KCP: variants seen among roughly 807,000 people sequenced by gnomAD.
KCP encodes the protein kielin cysteine rich BMP regulator, also known as kielin/chordin-like protein.
In KCP, 194 loss-of-function variants were observed where a neutral mutation model predicts 212.7. The observed-to-expected ratio is 0.91, with a 90% confidence interval of 0.81 to 1.03. The LOEUF is 1.03. KCP is among the 50% of genes least tolerant of loss of function. KCP has a pLI of 0.00. For missense variants in KCP, 2,080 were observed against 2,162.5 expected (o/e 0.96, Z 0.76); for synonymous variants, 833 against 865.3 (o/e 0.96, Z 0.65).
rs11449361 is a variant in KCP, at chr7:128,908,201, GAAAA to G, written c.219+221_219+224del. On this transcript the variant is annotated intron_variant, in intron 2 of 39. Coordinates refer to ENST00000610776, the MANE Select transcript of KCP (RefSeq NM_001366122.1). ...GAAGGAAGGAAGGAAGGAAAAGAAA[GAAAA>G]AAAAAGAAAGGAAGGAGGGAAGGAA... Among the ~76,000 whole-genome samples the G allele has an allele frequency of 1.0e-4, 11 of 104,872 alleles. 1 individual carries two copies. The highest frequency in any genetic ancestry group is 1.5e-4 in the African/African-American group (4 of 27,340). The allele number at this position is 104,872 out of a possible 152,430, so 68.8% of individuals were successfully genotyped here.
intron 20 of KCP, 63 bp downstream of exon 20, chr7:128,890,842 G>A (rs1428874066): frequency 8.5e-7 from 1 of 1,181,746 alleles, no homozygotes; most frequent in African/African-American, 1.6e-5. Flanking sequence ...TGGGCAGGGC[G>A]CTCCGGGGCG....
chr7:128,883,720 C>G (rs901171733), intron 29 of KCP, among the ~76,000 whole-genome samples: 11 of 152,236 alleles, frequency 7.2e-5, no homozygotes, highest in Middle Eastern at 3.2e-3. Context: ...TGGGCTACCC[C>G]CTGCCTGCCT....
rs536804981 is a variant in KCP, at chr7:128,905,616, T to C, written c.571+663A>G. Among the ~76,000 whole-genome samples, 749 of 152,028 alleles carry C rather than the reference T, an allele frequency of 4.9e-3. 2 individuals are homozygous for C. Among genetic ancestry groups the C allele is most frequent in the African/African-American group, 9.4e-3 (389 of 41,428 alleles). On this transcript the variant is annotated intron_variant, in intron 5 of 39. Transcript: ENST00000610776. ...CGACGCCTCTGTCTGCATCTAGCCC[T>C]CACCAGGTGAATATTCCTCAAGCGC...
At chr7:128,877,371 C>G (rs80104976) in intron 39 of KCP, 60 bp from the exon 40 acceptor site, 1 of 1,526,762 alleles carries the variant, frequency 6.5e-7, no homozygotes, top group African/African-American at 1.4e-5. Context: ...AGTTGCTGTG[C>G]GTACCCCTGC....
At chr7:128,886,397 G>A in intron 26 of KCP, 67 bp downstream of exon 26, 1 of 1,316,352 alleles carries the variant, frequency 7.6e-7, no homozygotes, top group East Asian at 2.6e-5. Flanking sequence ...GGGGAGGGAG[G>A]TGGGGTGGAC....
At chr7:128,879,215 C>T (rs1014482933) in intron 37 of KCP, 1 of 433,436 alleles carries the variant, frequency 2.3e-6, no homozygotes, top group Non-Finnish European at 4.2e-6. Context: ...AGCTGACATC[C>T]TCCCCACTGC....
In KCP at chr7:128,877,682, C is replaced by A. The variant is rs1248051494; in HGVS notation, c.4420G>T (p.Val1474Leu). Residue 1474 changes from valine to leucine, a missense_variant, in exon 39 of 40, where the codon GTG (valine) becomes TTG (leucine). Val to Leu is a conservative substitution (Grantham distance 32). Transcript: ENST00000610776. Reference protein sequence around the residue: ...ARREANARCGVLKSSPFSRCH... With the variant: ...ARREANARCGLLKSSPFSRCH... ...CGACTGAATGGGGAGGACTTCAGCACCCCACACCGGGCATTGGCCTCACGC... is the reference window on the plus strand; with the variant it reads ...CGACTGAATGGGGAGGACTTCAGCAACCCACACCGGGCATTGGCCTCACGC... 6.4e-7 allele frequency: 1 copy of A among 1,551,316 alleles called. No homozygotes were observed. The highest frequency in any genetic ancestry group is 2.4e-5 in the East Asian group (1 of 40,934).
chr7:128,887,908 TACAC>T (rs1432566079), intron 22 of KCP, among the ~76,000 whole-genome samples: 4 of 104,750 alleles, frequency 3.8e-5, no homozygotes, highest in African/African-American at 1.5e-4. Context: ...CACATACACA[TACAC>T]ACCCACACAC....
At position 128,910,688 on chromosome 7, in the gene KCP, C is replaced by T; in HGVS notation, c.-12G>A. The T allele has an allele frequency of 6.7e-7, 1 of 1,484,926 alleles. No homozygotes were observed. Among genetic ancestry groups the T allele is most frequent in the Non-Finnish European group, 8.9e-7 (1 of 1,124,164 alleles). The allele number at this position is 1,484,926 out of a possible 1,614,324, so 92.0% of individuals were successfully genotyped here. A position where few individuals can be genotyped will look rare whatever the true frequency, so the allele number is the denominator to read the frequency against. ...CCGACCCCGGCCATGCTAGCTCCGC[C>T]TCGCTCGGCTCGCCGTCTGTCGTCG... On this transcript the variant is annotated 5_prime_UTR_variant, in exon 1 of 40. Coordinates refer to ENST00000610776, the MANE Select transcript of KCP (RefSeq NM_001366122.1).
At chr7:128,888,034 T>TACACAC (rs567635972) in intron 22 of KCP, among the ~76,000 whole-genome samples, 16 of 91,796 alleles carry the variant, frequency 1.7e-4, no homozygotes, top group African/African-American at 4.7e-4. Flanking sequence ...CACACACACA[T>TACACAC]ACACACACAC....
intron 8 of KCP, among the ~76,000 whole-genome samples, chr7:128,896,410 T>A (rs1794525096): frequency 6.6e-6 from 1 of 152,026 alleles, no homozygotes. Flanking sequence ...CTGGGTAAAA[T>A]CCCTCCCGGT....
chr7:128,883,454 G>A (rs1208586996), intron 29 of KCP, among the ~76,000 whole-genome samples: 1 of 152,046 alleles, frequency 6.6e-6, no homozygotes, highest in African/African-American at 2.4e-5. Flanking sequence ...TTCTATGTAA[G>A]GATAACGTTC....
chr7:128,904,413 C>A (rs1488526505), intron 5 of KCP: 2 of 1,423,048 alleles, frequency 1.4e-6, no homozygotes, highest in African/African-American at 1.4e-5. Flanking sequence ...GCCCTCCCTT[C>A]CCCCACCATC....
chr7:128,885,023 C>T, intron 27 of KCP, 74 bp downstream of exon 27: 1 of 1,539,346 alleles, frequency 6.5e-7, no homozygotes, highest in South Asian at 1.2e-5. Context: ...TGCCACCCGG[C>T]CCAGCAGCGG....
rs771528845 is a variant in KCP at position 128,894,275 on chromosome 7, G to T, written c.850C>A (p.Arg284Ser). ...CRCLEGHIQC[R>S]QRECASLCPY... ...CACAGGCTGGCACATTCTCGCTGGC[G>T]GCACTGGATGTGACCCTCCTGGTGG... is the stretch of plus-strand genomic sequence containing the variant. Residue 284 changes from arginine to serine, a missense_variant, in exon 9 of 40, where the codon CGC becomes AGC. Transcript: ENST00000610776. The T allele has an allele frequency of 6.5e-7, 1 of 1,542,970 alleles. No individual in the cohort carries two copies. Among genetic ancestry groups the T allele is most frequent in the African/African-American group, 1.4e-5 (1 of 73,056 alleles).
chr7:128,893,459 G>A lies in KCP; in HGVS notation c.1117C>T (p.His373Tyr). Reference sequence around the variant, plus strand: ...AAGGTCTCCTGGCTCTGATACTGGTGTCCCTGGTACTCACAGCCTGGATGG... The same window carrying A: ...AAGGTCTCCTGGCTCTGATACTGGTATCCCTGGTACTCACAGCCTGGATGG... ...PVCDGCEYQG[H>Y]QYQSQETFRL... The change falls in exon 12 of 40, where the codon CAC becomes TAC. Residue 373 changes from histidine (H) to tyrosine (Y), a missense_variant. Physicochemically the swap from His to Tyr is moderately conservative, Grantham distance 83 (BLOSUM62 2). Transcript: ENST00000610776. The A allele has an allele frequency of 2.6e-6, 4 of 1,551,368 alleles. No homozygotes were observed. The highest frequency in any genetic ancestry group is 3.5e-6 in the Non-Finnish European group (4 of 1,146,764).
At position 128,906,346 on chromosome 7, in the gene KCP, G is replaced by T. The variant is rs1309937725; in HGVS notation, c.504C>A (p.Cys168Ter). Residue 168 changes from cysteine (C) to a stop codon, truncating the protein, a stop_gained, in exon 5 of 40, where the codon TGC becomes TGA. Transcript: ENST00000610776. LOFTEE classifies it high-confidence loss of function. ...TCRCLEGTIT[C>*]NQKPCPRGPC... ...GTCCTCTTGGGCATGGCTTCTGGTT[G>T]CAAGTGATGGTACCTTCCTGTGGGA... The T allele has an allele frequency of 6.5e-7, 1 of 1,549,736 alleles. No individual in the cohort carries two copies. The highest frequency in any genetic ancestry group is 2.0e-5 in the Admixed American group (1 of 51,004).
chr7:128,903,730 G>A lies in KCP; in HGVS notation c.745C>T (p.Gln249Ter), dbSNP rs1279146293. 1.3e-6 allele frequency: 2 copies of A among 1,548,762 alleles called. No individual in the cohort carries two copies. The highest frequency in any genetic ancestry group is 1.7e-6 in the Non-Finnish European group (2 of 1,145,632). ...GGGAGGGGCCAGGGGCTCTCACCTT[G>A]GCAGGTTGGGCAGCAGTGCCCAGGC... The part of the protein sequence containing the change: ...LRPGHCCPTC[Q>*]GCTEGGSHWE... The change falls in exon 7 of 40, where the codon CAA becomes TAA. Residue 249 changes from glutamine to a stop codon, truncating the protein, a stop_gained. Transcript: ENST00000610776. LOFTEE classifies it high-confidence loss of function.
Position 128,885,267 on chromosome 7 carries a change from C to T in KCP, c.2870G>A (p.Cys957Tyr). The T allele has an allele frequency of 6.5e-7, 1 of 1,541,940 alleles. No individual in the cohort carries two copies. Among genetic ancestry groups the T allele is most frequent in the Middle Eastern group, 1.7e-4 (1 of 5,958 alleles). Residue 957 changes from cysteine to tyrosine, a missense_variant, in exon 27 of 40, where the codon TGC becomes TAC. Coordinates refer to ENST00000610776, the MANE Select transcript of KCP (RefSeq NM_001366122.1). ...RGSCCPRCRG[C>Y]LAHGEEHPEG... is the part of the protein sequence containing the mutation. ...GGGGTGCTCTTCCCCATGAGCCAGG[C>T]AGCCTGTGGTGCAAAGTGGGCAGGG...
Sources: gnomAD v4.1 joint callset for allele counts (sites outside exome capture counted in the v4.1 genomes callset) on GRCh38, gnomAD v4.1.1 for gene constraint, MANE v1.5 for transcripts, NCBI Gene and HGNC (gene_info 2026-07-23, HGNC 2026-07-21) for gene names.